Variants in DOCK7 observed in about 807,000 individuals in gnomAD.
DOCK7 encodes the protein dedicator of cytokinesis 7, also known as dedicator of cytokinesis protein 7.
DOCK7 carries 138 observed loss-of-function variants against 271.0 expected under a neutral mutation model. That is an observed-to-expected ratio of 0.51 (90% CI 0.44 to 0.59). DOCK7 has a LOEUF of 0.59. DOCK7 is among the 20% of genes least tolerant of loss of function. The pLI, the probability that DOCK7 is intolerant of heterozygous loss-of-function variation, is 0.00. For synonymous variants in DOCK7, 823 were observed against 876.1 expected (o/e 0.94, Z 1.07); for missense variants, 2,066 against 2,592.4 (o/e 0.80, Z 4.41).
chr1:62,612,758 C>T (rs1651951363), intron 14 of DOCK7, among the ~76,000 whole-genome samples: 1 of 152,170 alleles, frequency 6.6e-6, no homozygotes, highest in Non-Finnish European at 1.5e-5. Context: ...GTTTCTCACC[C>T]TGACAGTTAC....
At chr1:62,561,050 C>G (rs189259952) in intron 19 of DOCK7, among the ~76,000 whole-genome samples, 1 of 152,020 alleles carries the variant, frequency 6.6e-6, no homozygotes, top group South Asian at 2.1e-4. Context: ...AGAAGCTGGG[C>G]GTAGGCAGTA....
intron 29 of DOCK7, among the ~76,000 whole-genome samples, chr1:62,532,052 G>T (rs941940825): frequency 7.7e-6 from 1 of 129,574 alleles, no homozygotes; most frequent in African/African-American, 3.4e-5. Flanking sequence ...CAACATGGCT[G>T]TTATTTATGA....
intron 14 of DOCK7, among the ~76,000 whole-genome samples, chr1:62,606,517 C>T (rs1651016357): frequency 6.6e-6 from 1 of 152,114 alleles, no homozygotes; most frequent in African/African-American, 2.4e-5. Flanking sequence ...TCACTACTCA[C>T]AGTTGTCTAA....
intron 41 of DOCK7, 121 bp downstream of exon 41, chr1:62,492,583 G>T: frequency 7.9e-7 from 1 of 1,261,706 alleles, no homozygotes. Context: ...CCACCATACT[G>T]GGTCCAGAAT....
In DOCK7 at chr1:62,461,529, T is replaced by A. The variant is rs566700615; in HGVS notation, c.6213-3824A>T. ...GACTCTGTCACTATAAAATTAGGTA[T>A]AGTGGTGAACACCTGTGGTCCCAGC... On this transcript the variant is annotated intron_variant, in intron 48 of 49. Coordinates refer to ENST00000635253, the MANE Select transcript of DOCK7 (RefSeq NM_001367561.1). 1.1e-3 allele frequency among the ~76,000 whole-genome samples: 159 copies of A among 151,074 alleles called. 3 individuals carry two copies. Among genetic ancestry groups the A allele is most frequent in the African/African-American group, 3.5e-3 (146 of 41,154 alleles).
chr1:62,673,853 T>A (rs753172079), intron 1 of DOCK7, among the ~76,000 whole-genome samples: 1 of 150,350 alleles, frequency 6.7e-6, no homozygotes, highest in Non-Finnish European at 1.5e-5. Flanking sequence ...GAAAGCCAAG[T>A]ATGTCTGCTC....
At chr1:62,491,475 C>A (rs2149291840) in intron 41 of DOCK7, among the ~76,000 whole-genome samples, 1 of 152,310 alleles carries the variant, frequency 6.6e-6, no homozygotes, top group East Asian at 1.9e-4. Flanking sequence ...AATAAACATC[C>A]CATCTGGGTT....
intron 3 of DOCK7, 37 bp downstream of exon 3, chr1:62,653,947 T>C: frequency 1.3e-6 from 2 of 1,594,630 alleles, no homozygotes; most frequent in Non-Finnish European, 1.7e-6. Context: ...CTTTCTATAG[T>C]TCCTCTAAAG....
intron 22 of DOCK7, among the ~76,000 whole-genome samples, chr1:62,547,412 G>A (rs1186848138): frequency 1.3e-5 from 2 of 152,172 alleles, no homozygotes; most frequent in Non-Finnish European, 2.9e-5. Context: ...ATGTAAGTGT[G>A]AGGTTTTTTT....
intron 19 of DOCK7, 40 bp from the exon 20 acceptor site, chr1:62,559,260 CTT>C (rs1406862185): frequency 2.6e-6 from 4 of 1,513,284 alleles, no homozygotes; most frequent in Non-Finnish European, 3.6e-6. Flanking sequence ...GCACTTATAA[CTT>C]TATAAATTTC....
chr1:62,629,143 A>AT lies in DOCK7; in HGVS notation c.1282+2096dup, dbSNP rs1342628887. The AT allele has an allele frequency of 2.0e-5, 3 of 152,226 alleles. No individual in the cohort carries two copies. In the East Asian group the frequency reaches 5.8e-4, roughly 29 times the overall value. The allele number at this position is 152,226 out of a possible 1,614,324, so 9.4% of individuals were successfully genotyped here. On this transcript the variant is annotated intron_variant, in intron 11 of 49. Transcript: ENST00000635253. Reference sequence around the variant, plus strand: ...CACACACTAGTGGAATGCTAGTGGAATTTTTGAAGGTGCAGCCAAATTGGA... The same window carrying AT: ...CACACACTAGTGGAATGCTAGTGGAATTTTTTGAAGGTGCAGCCAAATTGGA...
At chr1:62,578,728 A>AG in intron 17 of DOCK7, 100 bp downstream of exon 17, 1 of 985,484 alleles carries the variant, frequency 1.0e-6, no homozygotes, top group Non-Finnish European at 1.4e-6. Flanking sequence ...AAAAAAAAAA[A>AG]AAAAAAAAAA....
intron 22 of DOCK7, among the ~76,000 whole-genome samples, chr1:62,545,711 T>A (rs937643956): frequency 7.2e-5 from 11 of 152,144 alleles, no homozygotes; most frequent in African/African-American, 2.2e-4. Context: ...AGGAATTATA[T>A]CTTCATCATC....
At chr1:62,674,305 A>G (rs1660315821) in intron 1 of DOCK7, among the ~76,000 whole-genome samples, 1 of 150,962 alleles carries the variant, frequency 6.6e-6, no homozygotes, top group African/African-American at 2.4e-5. Flanking sequence ...ATCTAAATAA[A>G]TAGACCCCCC....
chr1:62,502,956 T>G (rs1469334716), intron 37 of DOCK7, among the ~76,000 whole-genome samples: 1 of 152,128 alleles, frequency 6.6e-6, no homozygotes, highest in African/African-American at 2.4e-5. Context: ...CAAAGGCAAT[T>G]AAATTAAGTT....
At chr1:62,631,153 C>G (rs1327359216) in intron 11 of DOCK7, 87 bp downstream of exon 11, 1 of 1,261,240 alleles carries the variant, frequency 7.9e-7, no homozygotes, top group East Asian at 2.6e-5. Flanking sequence ...CCACTGCCCT[C>G]CAGCCTAGGC....
At chr1:62,489,775 G>T (rs567785059) in intron 41 of DOCK7, among the ~76,000 whole-genome samples, 1 of 152,200 alleles carries the variant, frequency 6.6e-6, no homozygotes, top group Non-Finnish European at 1.5e-5. Flanking sequence ...CTGAGCAGAA[G>T]AAAAATAAAT....
chr1:62,545,503 T>C (rs1487666744), intron 22 of DOCK7, among the ~76,000 whole-genome samples: 1 of 152,114 alleles, frequency 6.6e-6, no homozygotes, highest in Non-Finnish European at 1.5e-5. Context: ...TGATACCCCA[T>C]AATTCTATTT....
At chr1:62,687,364 ACCT>A (rs1272510824) in intron 1 of DOCK7, among the ~76,000 whole-genome samples, 1 of 152,108 alleles carries the variant, frequency 6.6e-6, no homozygotes, top group Non-Finnish European at 1.5e-5. Flanking sequence ...AGGCTTTGAA[ACCT>A]CCACCTCAAT....
Sources: gnomAD v4.1 joint callset for allele counts (sites outside exome capture counted in the v4.1 genomes callset) on GRCh38, gnomAD v4.1.1 for gene constraint, MANE v1.5 for transcripts, NCBI Gene and HGNC (gene_info 2026-07-23, HGNC 2026-07-21) for gene names.